The following ERC2 variants were observed in gnomAD, a reference collection of about 807,000 sequenced individuals.
ERC2 encodes ERC protein 2.
In ERC2, 42 loss-of-function variants were observed where a neutral mutation model predicts 114.8. That is an observed-to-expected ratio of 0.37 (90% CI 0.29 to 0.47). The LOEUF (loss-of-function observed/expected upper bound fraction) is 0.47, where lower values mean the gene tolerates loss of function less well. Among genes scored for constraint, ERC2 ranks in the 20% least tolerant of loss-of-function variants. The pLI, the probability that ERC2 is intolerant of heterozygous loss-of-function variation, is 0.99. For missense variants in ERC2, 939 were observed against 1,150.7 expected (o/e 0.82, Z 2.66); for synonymous variants, 454 against 425.5 (o/e 1.07, Z -0.82).
intron 14 of ERC2, among the ~76,000 whole-genome samples, chr3:55,747,824 T>C (rs2066406108): frequency 1.3e-5 from 2 of 152,244 alleles, no homozygotes; most frequent in African/African-American, 4.8e-5. Context: ...TACATACACC[T>C]GAAGCCTTGC....
chr3:56,158,613 G>A (rs1190750882), intron 4 of ERC2, among the ~76,000 whole-genome samples: 2 of 152,002 alleles, frequency 1.3e-5, no homozygotes, highest in Non-Finnish European at 2.9e-5. Context: ...CTAGTATCAT[G>A]GACCCATTTC....
chr3:55,702,863 T>G (rs73071173), intron 15 of ERC2, among the ~76,000 whole-genome samples: 12,795 of 152,204 alleles, frequency 0.084, 739 homozygotes, highest in Non-Finnish European at 0.13. Context: ...AATATAGAGT[T>G]GGAGAGGGAT....
chr3:55,876,025 G>A (rs542641677), intron 14 of ERC2, among the ~76,000 whole-genome samples: 24 of 152,250 alleles, frequency 1.6e-4, no homozygotes, highest in African/African-American at 5.8e-4. Context: ...AAAAGAGGCA[G>A]CCAGCAAGAA....
chr3:55,912,292 G>A (rs191472855), intron 13 of ERC2, among the ~76,000 whole-genome samples: 10 of 152,310 alleles, frequency 6.6e-5, no homozygotes, highest in Admixed American at 2.6e-4. Flanking sequence ...GCCAGTGCGA[G>A]TGAGAAAGAT....
chr3:56,187,268 T>C (rs1301343101), intron 3 of ERC2, among the ~76,000 whole-genome samples: 2 of 152,144 alleles, frequency 1.3e-5, no homozygotes, highest in African/African-American at 2.4e-5. Context: ...GTCACAGATA[T>C]GAGCTGTTGG....
At chr3:55,970,946 A>G (rs1361751610) in intron 12 of ERC2, among the ~76,000 whole-genome samples, 1 of 152,210 alleles carries the variant, frequency 6.6e-6, no homozygotes, top group Non-Finnish European at 1.5e-5. Context: ...CTAAAAGTCA[A>G]TCAACTGATG....
intron 14 of ERC2, among the ~76,000 whole-genome samples, chr3:55,887,417 G>A (rs2149317534): frequency 6.6e-6 from 1 of 152,224 alleles, no homozygotes; most frequent in Middle Eastern, 3.4e-3. Flanking sequence ...AAGGCTTGCT[G>A]GGTCACGATA....
chr3:56,065,053 T>C (rs186357708), intron 7 of ERC2, among the ~76,000 whole-genome samples: 249 of 152,278 alleles, frequency 1.6e-3, no homozygotes, highest in Non-Finnish European at 2.9e-3. Flanking sequence ...CAGGGTTTAA[T>C]GAGGAGAGAG....
chr3:55,968,643 T>A (rs2068926735), intron 12 of ERC2, among the ~76,000 whole-genome samples: 1 of 152,198 alleles, frequency 6.6e-6, no homozygotes, highest in Admixed American at 6.6e-5. Flanking sequence ...ATTCAAAGTA[T>A]GTGACCTTTG....
intron 16 of ERC2, among the ~76,000 whole-genome samples, chr3:55,698,496 C>T (rs926540831): frequency 6.6e-6 from 1 of 152,172 alleles, no homozygotes; most frequent in African/African-American, 2.4e-5. Context: ...CCTCTTCACA[C>T]AGGTAATTCT....
rs183227883 is a variant in ERC2, at chr3:55,620,732, C to T, written c.*39+63062G>A. ...GCCTTTAACTCCCAGGGATCAGGAA[C>T]TTGAAAGCACTCCGATTCACTTAGC... On this transcript the variant is annotated intron_variant, in intron 17 of 17. Coordinates refer to ENST00000288221, the MANE Select transcript of ERC2 (RefSeq NM_015576.3). Among the ~76,000 whole-genome samples the T allele has an allele frequency of 1.6e-4, 25 of 152,262 alleles. No individual in the cohort carries two copies. In the East Asian group the frequency reaches 4.3e-3, roughly 26 times the overall value.
chr3:56,411,070 G>C (rs1039718317), intron 2 of ERC2, among the ~76,000 whole-genome samples: 1 of 134,096 alleles, frequency 7.5e-6, no homozygotes, highest in African/African-American at 3.0e-5. Context: ...AAAAAAAACA[G>C]AATCCAGAAA....
intron 17 of ERC2, among the ~76,000 whole-genome samples, chr3:55,674,168 T>C (rs1339954643): frequency 2.6e-5 from 4 of 152,158 alleles, no homozygotes; most frequent in Non-Finnish European, 5.9e-5. Context: ...AAAACAGTCA[T>C]GTAATGCCAA....
chr3:56,389,201 G>T (rs1276427667), intron 2 of ERC2, among the ~76,000 whole-genome samples: 1 of 152,146 alleles, frequency 6.6e-6, no homozygotes, highest in Non-Finnish European at 1.5e-5. Context: ...GGACTCTATT[G>T]CATGGGAGGA....
intron 3 of ERC2, among the ~76,000 whole-genome samples, chr3:56,222,794 T>C (rs17235445): frequency 0.033 from 4,997 of 152,318 alleles, 118 homozygotes; most frequent in Non-Finnish European, 0.05. Flanking sequence ...AGTCATCTTG[T>C]TTCTATGGGT....
At chr3:55,600,674 G>A (rs2058359090) in intron 17 of ERC2, among the ~76,000 whole-genome samples, 1 of 152,236 alleles carries the variant, frequency 6.6e-6, no homozygotes, top group South Asian at 2.1e-4. Flanking sequence ...ACCAATTCAG[G>A]AAGAGGAATA....
chr3:55,545,617 C>T (rs570156715), intron 17 of ERC2, among the ~76,000 whole-genome samples: 1 of 152,332 alleles, frequency 6.6e-6, no homozygotes, highest in South Asian at 2.1e-4. Flanking sequence ...CCAAGAAGCA[C>T]TCACAGAAAA....
chr3:56,071,038 A>T (rs1365868765), intron 7 of ERC2, among the ~76,000 whole-genome samples: 1 of 152,206 alleles, frequency 6.6e-6, no homozygotes, highest in Non-Finnish European at 1.5e-5. Flanking sequence ...GATAGAGCAC[A>T]CATCATCTAC....
intron 2 of ERC2, among the ~76,000 whole-genome samples, chr3:56,356,704 T>C (rs1395450935): frequency 2.0e-5 from 3 of 152,166 alleles, no homozygotes; most frequent in Non-Finnish European, 4.4e-5. Context: ...GAACCTCCTC[T>C]AAGAAGCTAA....
Sources: gnomAD v4.1 joint callset for allele counts (sites outside exome capture counted in the v4.1 genomes callset) on GRCh38, gnomAD v4.1.1 for gene constraint, MANE v1.5 for transcripts, NCBI Gene and HGNC (gene_info 2026-07-23, HGNC 2026-07-21) for gene names.